RPS27A: variants seen among roughly 807,000 people sequenced by gnomAD.
The protein encoded by RPS27A is ubiquitin-ribosomal protein eS31 fusion protein.
In RPS27A, 1 loss-of-function variant was observed where a neutral mutation model predicts 18.9. The ratio of observed to expected loss-of-function variants is 0.05; its 90% CI spans 0.02 to 0.25. The LOEUF is 0.25. Ranked by LOEUF, RPS27A falls within the 10% of genes least tolerant of loss-of-function variation. The pLI is 1.00. For missense variants in RPS27A, 123 were observed against 187.4 expected (o/e 0.66, Z 2.01); for synonymous variants, 77 against 63.7 (o/e 1.21, Z -0.99).
intron 3 of RPS27A, chr2:55,233,873 G>A (rs1377324983): frequency 1.8e-6 from 1 of 564,166 alleles, no homozygotes; most frequent in Non-Finnish European, 3.2e-6. Flanking sequence ...CAAGTGATCT[G>A]CCCACCTCGA....
rs549199765 is a variant in RPS27A, at chr2:55,234,004, G to A, written c.104-115G>A. 333 of 774,490 alleles carry A rather than the reference G, an allele frequency of 4.3e-4. 2 individuals are homozygous for A. The South Asian group carries it at 4.5e-3, about 10-fold the overall frequency. 48.0% of individuals were successfully genotyped at this position (774,490 alleles called of 1,614,324 possible). A position where few individuals can be genotyped will look rare whatever the true frequency, so the allele number is the denominator to read the frequency against. On this transcript the variant is annotated intron_variant, in intron 3 of 5. Transcript: ENST00000272317. ...TAGAACCATGCCTAACCTCTAGTAAGGGCTTATTGTCAGCCTTTAGTATCA... is the reference window on the plus strand; with the variant it reads ...TAGAACCATGCCTAACCTCTAGTAAAGGCTTATTGTCAGCCTTTAGTATCA...
chr2:55,233,201 C>G (rs1675580931), intron 2 of RPS27A, 162 bp from the exon 3 acceptor site: 3 of 723,626 alleles, frequency 4.1e-6, no homozygotes, highest in African/African-American at 1.7e-5. Flanking sequence ...AAGGTGCTTT[C>G]CGGTAGCCGA....
chr2:55,233,842 C>G (rs1558538015), intron 3 of RPS27A: 1 of 528,652 alleles, frequency 1.9e-6, no homozygotes, highest in Non-Finnish European at 3.4e-6. Flanking sequence ...GTTGGCCAGG[C>G]TGGTTTTGAA....
chr2:55,233,235 G>C (rs1303730144), intron 2 of RPS27A, 128 bp from the exon 3 acceptor site: 9 of 813,550 alleles, frequency 1.1e-5, no homozygotes, highest in Non-Finnish European at 1.3e-5. Flanking sequence ...CCACTGGGTG[G>C]GTAATAGGTC....
intron 1 of RPS27A, 32 bp from the exon 2 acceptor site, chr2:55,232,776 C>T: frequency 1.3e-6 from 2 of 1,563,574 alleles, no homozygotes; most frequent in Non-Finnish European, 1.8e-6. Context: ...GATCCCTGAC[C>T]TAACCTGTCT....
intron 3 of RPS27A, chr2:55,233,714 C>T (rs1024595821): frequency 1.5e-5 from 7 of 481,332 alleles, no homozygotes; most frequent in South Asian, 1.1e-4. Flanking sequence ...CTGCAGCCTC[C>T]GCCTCCCGGG....
In RPS27A at chr2:55,235,626, A is replaced by G. The variant is rs750300458; in HGVS notation, c.*49A>G. 6.3e-7 allele frequency: 1 copy of G among 1,590,486 alleles called. No individual in the cohort carries two copies. Among genetic ancestry groups the G allele is most frequent in the South Asian group, 1.1e-5 (1 of 90,808 alleles). ...GAACTAACATTTATTGTTGGGTTTT[A>G]TTGCAGTAAAAAGAATGGTTTTTAA... On this transcript the variant is annotated 3_prime_UTR_variant, in exon 6 of 6. Coordinates refer to ENST00000272317, the MANE Select transcript of RPS27A (RefSeq NM_002954.6).
At position 55,233,914 on chromosome 2, in the gene RPS27A, G is replaced by C; in HGVS notation, c.104-205G>C. 1.3e-5 allele frequency: 8 copies of C among 623,486 alleles called. No individual in the cohort carries two copies. The South Asian group carries it at 1.3e-4, about 10-fold the overall frequency. 38.6% of individuals were successfully genotyped at this position (623,486 alleles called of 1,614,324 possible). On this transcript the variant is annotated intron_variant, in intron 3 of 5. Transcript: ENST00000272317. ...CAAAGTATTGGTATTACAGGTGTCA[G>C]CCACTGCAGACAACCAAGTATTGTC... is the stretch of plus-strand genomic sequence containing the variant.
intron 3 of RPS27A, chr2:55,233,903 T>C: frequency 1.6e-6 from 1 of 612,068 alleles, no homozygotes; most frequent in South Asian, 1.9e-5. Flanking sequence ...GTATTGGTAT[T>C]ACAGGTGTCA....
chr2:55,233,954 C>A (rs1675653798), intron 3 of RPS27A, 165 bp from the exon 4 acceptor site: 2 of 677,338 alleles, frequency 3.0e-6, no homozygotes, highest in East Asian at 5.4e-5. Context: ...ATATTAAATG[C>A]GGTAAAATGT....
intron 4 of RPS27A, chr2:55,234,574 C>T: frequency 5.3e-6 from 3 of 568,554 alleles, no homozygotes; most frequent in Non-Finnish European, 6.3e-6. Context: ...AACTCCTATA[C>T]TGATACTTGA....
At chr2:55,235,330 A>C in intron 5 of RPS27A, 98 bp from the exon 6 acceptor site, 1 of 1,321,788 alleles carries the variant, frequency 7.6e-7, no homozygotes, top group South Asian at 1.2e-5. Context: ...CAAAACCACC[A>C]GTATTACACA....
chr2:55,234,766 C>T, intron 4 of RPS27A, 65 bp from the exon 5 acceptor site: 1 of 1,586,344 alleles, frequency 6.3e-7, no homozygotes, highest in Non-Finnish European at 8.6e-7. Context: ...TTAGAAAATG[C>T]ATAATGTTGG....
At position 55,234,221 on chromosome 2, in the gene RPS27A, A is replaced by G; in HGVS notation, c.189+17A>G. 1 of 1,529,264 alleles carries G rather than the reference A, an allele frequency of 6.5e-7. No homozygotes were observed. Among genetic ancestry groups the G allele is most frequent in the East Asian group, 2.2e-5 (1 of 44,512 alleles). The allele number at this position is 1,529,264 out of a possible 1,614,324, so 94.7% of individuals were successfully genotyped here. A position where few individuals can be genotyped will look rare whatever the true frequency, so the allele number is the denominator to read the frequency against. On this transcript the variant is annotated intron_variant, in intron 4 of 5. Transcript: ENST00000272317. Reference sequence around the variant, plus strand: ...ATTCAAAAGGTCTGTCTAGGGGAAGAGCAGCCTCTTTTAAAAAAAAAATGT... The same window carrying G: ...ATTCAAAAGGTCTGTCTAGGGGAAGGGCAGCCTCTTTTAAAAAAAAAATGT...
upstream of RPS27A, chr2:55,231,992 CG>C (rs1292989257): frequency 1.3e-5 from 2 of 152,252 alleles, no homozygotes; most frequent in African/African-American, 4.8e-5. Context: ...CCCCCGCTTC[CG>C]CAGATTTCAC....
chr2:55,233,857 T>C (rs1181780115), intron 3 of RPS27A: 3 of 547,108 alleles, frequency 5.5e-6, no homozygotes, highest in Non-Finnish European at 9.8e-6. Context: ...TTTGAACTTT[T>C]CACATCAAGT....
At chr2:55,235,354 A>G in intron 5 of RPS27A, 74 bp from the exon 6 acceptor site, 1 of 1,541,666 alleles carries the variant, frequency 6.5e-7, no homozygotes, top group East Asian at 2.2e-5. Context: ...AAAAGCTTAA[A>G]TATTTTGAGT....
Position 55,235,838 on chromosome 2 carries a change from A to T in RPS27A, c.*261A>T. 2.0e-6 allele frequency: 1 copy of T among 505,380 alleles called. No individual in the cohort carries two copies. Among genetic ancestry groups the T allele is most frequent in the African/African-American group, 1.9e-5 (1 of 51,762 alleles). 31.3% of individuals were successfully genotyped at this position (505,380 alleles called of 1,614,324 possible). A position where few individuals can be genotyped will look rare whatever the true frequency, so the allele number is the denominator to read the frequency against. ...TTTGGCAGAAGTTATATTTAATGTA[A>T]GTTGTCTAAATATAAGCCAGTTTGT... On this transcript the variant is annotated 3_prime_UTR_variant, in exon 6 of 6. Coordinates refer to ENST00000272317, the MANE Select transcript of RPS27A (RefSeq NM_002954.6).
chr2:55,233,905 C>T (rs1053980639), intron 3 of RPS27A: 8 of 612,366 alleles, frequency 1.3e-5, no homozygotes, highest in South Asian at 1.2e-4. Flanking sequence ...ATTGGTATTA[C>T]AGGTGTCAGC....
Sources: allele counts gnomAD v4.1 joint callset, GRCh38; gene constraint gnomAD v4.1.1; transcripts MANE v1.5; gene names NCBI Gene and HGNC (gene_info 2026-07-23, HGNC 2026-07-21).